The following IMMT variants were observed in gnomAD, a reference collection of about 807,000 sequenced individuals.
IMMT encodes MICOS complex subunit MIC60.
In IMMT, 40 loss-of-function variants were observed where a neutral mutation model predicts 92.7. The observed-to-expected ratio is 0.43, with a 90% CI of 0.34 to 0.56. The LOEUF (loss-of-function observed/expected upper bound fraction) is 0.56. Ranked by LOEUF, IMMT falls within the 20% of genes least tolerant of loss-of-function variation. The pLI is 0.03. For missense variants in IMMT, 831 were observed against 912.1 expected (o/e 0.91, Z 1.14); for synonymous variants, 322 against 336.1 (o/e 0.96, Z 0.46).
chr2:86,170,676 TG>T, intron 6 of IMMT, 72 bp downstream of exon 6: 1 of 990,890 alleles, frequency 1.0e-6, no homozygotes, highest in Non-Finnish European at 1.5e-6. Flanking sequence ...ATGACAAACT[TG>T]TGCTGATAGT....
chr2:86,183,739 T>C (rs1468049057), intron 1 of IMMT, among the ~76,000 whole-genome samples: 4 of 152,226 alleles, frequency 2.6e-5, no homozygotes, highest in African/African-American at 9.7e-5. Context: ...TTCTCCTGAC[T>C]TTCCCCACCT....
intron 10 of IMMT, among the ~76,000 whole-genome samples, chr2:86,156,269 T>C (rs1053419981): frequency 6.6e-6 from 1 of 152,150 alleles, no homozygotes; most frequent in African/African-American, 2.4e-5. Flanking sequence ...ATGCCCTCAG[T>C]TGAGAACCAC....
intron 14 of IMMT, among the ~76,000 whole-genome samples, chr2:86,145,512 AAAAAAAG>A (rs1426475625): frequency 7.9e-4 from 120 of 151,090 alleles, no homozygotes; most frequent in African/African-American, 2.8e-3. Context: ...AAAAAAAAAA[AAAAAAAG>A]AAATGGGAGA....
chr2:86,173,791 G>A lies in IMMT; in HGVS notation c.310-30C>T, dbSNP rs777890332. On this transcript the variant is annotated intron_variant, in intron 3 of 14. Transcript: ENST00000410111. ...GAAATAAAAAACATTTAACATTTCA[G>A]ATATACTACTGTTTTTTAAAAAGGT... The A allele has an allele frequency of 5.7e-5, 67 of 1,166,948 alleles. 1 individual carries two copies. In the Middle Eastern group the frequency reaches 9.8e-4, roughly 17 times the overall value. 72.3% of individuals were successfully genotyped at this position (1,166,948 alleles called of 1,614,324 possible). A position where few individuals can be genotyped will look rare whatever the true frequency, so the allele number is the denominator to read the frequency against.
intron 6 of IMMT, among the ~76,000 whole-genome samples, chr2:86,170,242 C>A (rs190037591): frequency 2.0e-5 from 3 of 152,032 alleles, no homozygotes; most frequent in Admixed American, 2.0e-4. Context: ...TAGTGAGATG[C>A]CTGTGTCTAT....
intron 14 of IMMT, among the ~76,000 whole-genome samples, chr2:86,145,686 A>T (rs770445144): frequency 5.9e-5 from 9 of 152,118 alleles, no homozygotes; most frequent in Non-Finnish European, 1.0e-4. Flanking sequence ...AATGTGGCAC[A>T]TGGAGGCCTC....
At chr2:86,183,930 T>C (rs758447750) in intron 1 of IMMT, among the ~76,000 whole-genome samples, 1 of 152,234 alleles carries the variant, frequency 6.6e-6, no homozygotes, top group Non-Finnish European at 1.5e-5. Context: ...AGGTTTTTTC[T>C]AAATTTTTGT....
rs141689190 is a variant in IMMT, at chr2:86,152,333, C to T, written c.1178-813G>A. Among the ~76,000 whole-genome samples the T allele has an allele frequency of 1.8e-3, 264 of 149,132 alleles. 4 individuals are homozygous for T. The highest frequency in any genetic ancestry group is 6.3e-3 in the African/African-American group (255 of 40,536). On this transcript the variant is annotated intron_variant, in intron 11 of 14. Coordinates refer to ENST00000410111, the MANE Select transcript of IMMT (RefSeq NM_006839.3). ...GTGGACACCTGTAATCCCAGCTACT[C>T]GGGAGGCTGAGGTAGGAGAATTACT... is the stretch of plus-strand genomic sequence containing the variant.
chr2:86,178,865 C>T (rs1486497115), intron 3 of IMMT, among the ~76,000 whole-genome samples: 4 of 152,128 alleles, frequency 2.6e-5, no homozygotes, highest in Non-Finnish European at 5.9e-5. Flanking sequence ...AGTTTGAGAC[C>T]AGTCTGGCCA....
chr2:86,191,583 C>G (rs1044514806), intron 1 of IMMT, among the ~76,000 whole-genome samples: 11 of 151,970 alleles, frequency 7.2e-5, no homozygotes, highest in Non-Finnish European at 1.6e-4. Context: ...TTGCCAGTCT[C>G]CATAACTGTG....
chr2:86,161,430 G>C (rs1041680935), intron 8 of IMMT, among the ~76,000 whole-genome samples: 8 of 151,780 alleles, frequency 5.3e-5, no homozygotes, highest in Non-Finnish European at 8.8e-5. Flanking sequence ...AAAGTACTGG[G>C]ATTACAGGCG....
At position 86,151,527 on chromosome 2, in the gene IMMT, A is replaced by G. The variant is rs1205841002; in HGVS notation, c.1178-7T>C. ...TCAGTAGAGAGCTTGTCAGCTAAGC[A>G]AAAGAGCATGTTAAAATATTAATGA... On this transcript the variant is annotated splice_polypyrimidine_tract_variant and splice_region_variant and intron_variant, in intron 11 of 14. Coordinates refer to ENST00000410111, the MANE Select transcript of IMMT (RefSeq NM_006839.3). 6.3e-7 allele frequency: 1 copy of G among 1,593,758 alleles called. No individual in the cohort carries two copies. The highest frequency in any genetic ancestry group is 8.6e-7 in the Non-Finnish European group (1 of 1,161,580).
chr2:86,195,008 C>G (rs568570730), intron 1 of IMMT: 15 of 321,078 alleles, frequency 4.7e-5, no homozygotes, highest in African/African-American at 3.2e-4. Flanking sequence ...GCACTGAAAA[C>G]CTATCGCGCG....
intron 1 of IMMT, among the ~76,000 whole-genome samples, chr2:86,189,840 A>G (rs1285353404): frequency 6.6e-6 from 1 of 152,238 alleles, no homozygotes; most frequent in African/African-American, 2.4e-5. Context: ...GTTAAAAAGT[A>G]TATCCCACAA....
chr2:86,153,472 T>G (rs980344219), intron 11 of IMMT, 88 bp downstream of exon 11: 2 of 667,676 alleles, frequency 3.0e-6, no homozygotes, highest in Non-Finnish European at 4.9e-6. Context: ...GATGGCTTTG[T>G]GTAAGAATCA....
chr2:86,155,219 C>T (rs1314973669), intron 10 of IMMT, among the ~76,000 whole-genome samples: 1 of 152,114 alleles, frequency 6.6e-6, no homozygotes, highest in Non-Finnish European at 1.5e-5. Flanking sequence ...AGGTATTTTT[C>T]ATCCAAGGGG....
At chr2:86,152,932 T>G (rs1044392903) in intron 11 of IMMT, among the ~76,000 whole-genome samples, 1 of 152,176 alleles carries the variant, frequency 6.6e-6, no homozygotes, top group Non-Finnish European at 1.5e-5. Flanking sequence ...AGAGATTTAT[T>G]GACTAAACTC....
intron 8 of IMMT, among the ~76,000 whole-genome samples, chr2:86,161,466 AATT>A (rs1261967407): frequency 6.7e-6 from 1 of 150,120 alleles, no homozygotes; most frequent in Non-Finnish European, 1.5e-5. Flanking sequence ...AGCCTGGACT[AATT>A]ATATTTTATT....
intron 14 of IMMT, 23 bp from the exon 15 acceptor site, chr2:86,144,904 C>A: frequency 6.4e-7 from 1 of 1,561,256 alleles, no homozygotes; most frequent in Non-Finnish European, 8.6e-7. Context: ...AAAGGCAAAG[C>A]CAAACATTTT....
Sources: gnomAD v4.1 joint callset for allele counts (sites outside exome capture counted in the v4.1 genomes callset) on GRCh38, gnomAD v4.1.1 for gene constraint, MANE v1.5 for transcripts, NCBI Gene and HGNC (gene_info 2026-07-23, HGNC 2026-07-21) for gene names.